RBFOX1: variants seen among roughly 807,000 people sequenced by gnomAD.
RBFOX1 encodes the protein RNA binding fox-1 homolog 1, also known as RNA binding protein fox-1 homolog 1.
A neutral mutation model predicts 57.7 loss-of-function variants in RBFOX1; 8 were observed. That is an observed-to-expected ratio of 0.14 (90% CI 0.08 to 0.25). The LOEUF (loss-of-function observed/expected upper bound fraction) is 0.25, where lower values mean the gene tolerates loss of function less well. RBFOX1 is among the 10% of genes least tolerant of loss of function. The pLI is 1.00. For synonymous variants in RBFOX1, 326 were observed against 222.4 expected (o/e 1.47, Z -4.15); for missense variants, 611 against 548.5 (o/e 1.11, Z -1.14).
intron 3 of RBFOX1, among the ~76,000 whole-genome samples, chr16:6,795,534 G>A (rs1371936801): frequency 3.3e-5 from 5 of 152,114 alleles, no homozygotes; most frequent in Admixed American, 6.6e-5. Context: ...TTGGGAGGCC[G>A]AGGTGGGTGA....
At chr16:5,351,522 C>T (rs1191370892) in intron 1 of RBFOX1, among the ~76,000 whole-genome samples, 2 of 152,120 alleles carry the variant, frequency 1.3e-5, no homozygotes, top group African/African-American at 4.8e-5. Flanking sequence ...GGTCACCTGG[C>T]CCCCAGGCAT....
chr16:5,847,030 A>G (rs976714255), intron 3 of RBFOX1, among the ~76,000 whole-genome samples: 12 of 152,222 alleles, frequency 7.9e-5, no homozygotes, highest in African/African-American at 2.9e-4. Flanking sequence ...GAGAGAAGAA[A>G]GAGCTTCCAG....
intron 4 of RBFOX1, among the ~76,000 whole-genome samples, chr16:7,515,959 C>T (rs1600619341): frequency 1.3e-5 from 2 of 152,258 alleles, no homozygotes; most frequent in Admixed American, 1.3e-4. Context: ...GTTCTCCTGC[C>T]TCAGTCTCCG....
chr16:7,267,724 T>A (rs2095203563), intron 4 of RBFOX1, among the ~76,000 whole-genome samples: 1 of 151,892 alleles, frequency 6.6e-6, no homozygotes, highest in South Asian at 2.1e-4. Flanking sequence ...GTTGTGATAG[T>A]GCGTGCCTGT....
chr16:7,093,420 C>G (rs1215393077), intron 4 of RBFOX1, among the ~76,000 whole-genome samples: 3 of 152,188 alleles, frequency 2.0e-5, no homozygotes, highest in Non-Finnish European at 2.9e-5. Flanking sequence ...CCCACTTCTT[C>G]TTTGACACTC....
intron 2 of RBFOX1, among the ~76,000 whole-genome samples, chr16:5,492,220 T>A (rs969226369): frequency 3.3e-5 from 5 of 152,236 alleles, no homozygotes; most frequent in Non-Finnish European, 7.3e-5. Flanking sequence ...ATACAGAGGC[T>A]GTTCAGTAAG....
chr16:7,322,438 T>C (rs888154268), intron 4 of RBFOX1, among the ~76,000 whole-genome samples: 2 of 152,222 alleles, frequency 1.3e-5, no homozygotes, highest in Non-Finnish European at 2.9e-5. Context: ...AAGCTGTTAA[T>C]ATGAGCCCGC....
At chr16:6,318,221 A>C (rs2081343077) in intron 2 of RBFOX1, among the ~76,000 whole-genome samples, 1 of 152,208 alleles carries the variant, frequency 6.6e-6, no homozygotes, top group Admixed American at 6.5e-5. Context: ...CTTGTATCTC[A>C]CAGGAGATTA....
intron 2 of RBFOX1, among the ~76,000 whole-genome samples, chr16:6,589,185 T>A (rs1259122420): frequency 2.0e-5 from 3 of 152,164 alleles, no homozygotes; most frequent in Non-Finnish European, 4.4e-5. Flanking sequence ...GAAAAGAAAC[T>A]ATTTTTAAAC....
chr16:6,728,037 T>A (rs538080113), intron 3 of RBFOX1, among the ~76,000 whole-genome samples: 1 of 152,222 alleles, frequency 6.6e-6, no homozygotes, highest in Non-Finnish European at 1.5e-5. Context: ...CAGGTTTGTT[T>A]TGAGATCTAA....
Position 7,232,787 on chromosome 16 carries a change from G to C in RBFOX1, c.27+180689G>C, listed in dbSNP as rs1035179806. On this transcript the variant is annotated intron_variant, in intron 4 of 15. Transcript: ENST00000550418. ...ACCTGGGAGGGGGAGGTTGCCGTGA[G>C]CTGAGATCACGCCATTGGTCATTAC... Among the ~76,000 whole-genome samples the C allele has an allele frequency of 2.7e-5, 4 of 149,814 alleles. No homozygotes were observed. In the Admixed American group the frequency reaches 2.7e-4, roughly 10 times the overall value.
intron 2 of RBFOX1, among the ~76,000 whole-genome samples, chr16:6,585,726 AGG>A (rs58683983): frequency 0.051 from 7,774 of 152,238 alleles, 323 homozygotes; most frequent in African/African-American, 0.11. Context: ...TGCAGTTCAA[AGG>A]GGGCAAAAAC....
At chr16:5,948,356 C>A (rs567814041) in intron 4 of RBFOX1, among the ~76,000 whole-genome samples, 33 of 152,312 alleles carry the variant, frequency 2.2e-4, no homozygotes, top group African/African-American at 7.5e-4. Context: ...TCTTCTCCTC[C>A]GTGGCTGTGG....
intron 3 of RBFOX1, among the ~76,000 whole-genome samples, chr16:7,026,826 G>C (rs988147364): frequency 1.8e-4 from 27 of 152,218 alleles, no homozygotes; most frequent in Admixed American, 1.4e-3. Flanking sequence ...CATGGCACCT[G>C]CTGATCTGGA....
At chr16:5,647,251 A>G (rs1454026881) in intron 3 of RBFOX1, among the ~76,000 whole-genome samples, 4 of 152,204 alleles carry the variant, frequency 2.6e-5, no homozygotes, top group African/African-American at 9.7e-5. Flanking sequence ...AGGTGAGGTC[A>G]TTCACCCAGG....
intron 1 of RBFOX1, among the ~76,000 whole-genome samples, chr16:5,324,261 G>A (rs775304220): frequency 1.1e-4 from 16 of 152,160 alleles, no homozygotes; most frequent in East Asian, 1.9e-4. Flanking sequence ...TCAGGAGTTC[G>A]AAACCAGCCC....
intron 3 of RBFOX1, among the ~76,000 whole-genome samples, chr16:6,838,425 T>G (rs1013180771): frequency 1.3e-5 from 2 of 152,218 alleles, no homozygotes; most frequent in Non-Finnish European, 2.9e-5. Context: ...ATCCAGTCTA[T>G]TATTGATGGG....
chr16:7,342,083 T>C (rs987735214), intron 4 of RBFOX1, among the ~76,000 whole-genome samples: 1 of 152,118 alleles, frequency 6.6e-6, no homozygotes, highest in Non-Finnish European at 1.5e-5. Context: ...TTTCTTCTTA[T>C]TTCCTGAGGC....
intron 2 of RBFOX1, among the ~76,000 whole-genome samples, chr16:6,473,912 G>A (rs2095232119): frequency 1.3e-5 from 2 of 152,128 alleles, no homozygotes; most frequent in African/African-American, 2.4e-5. Context: ...TGTCAGTTAC[G>A]AATCTAGTCC....
Sources: gnomAD v4.1 joint callset for allele counts (sites outside exome capture counted in the v4.1 genomes callset) on GRCh38, gnomAD v4.1.1 for gene constraint, MANE v1.5 for transcripts, NCBI Gene and HGNC (gene_info 2026-07-23, HGNC 2026-07-21) for gene names.